Variants in CTNND2 observed in about 807,000 individuals in gnomAD.
The protein encoded by CTNND2 is catenin delta 2.
Under a neutral mutation model 144.4 loss-of-function variants are expected in CTNND2, and 22 were observed. The ratio of observed to expected loss-of-function variants is 0.15; its 90% CI spans 0.11 to 0.22. The LOEUF (loss-of-function observed/expected upper bound fraction) is 0.22. Among genes scored for constraint, CTNND2 ranks in the 10% least tolerant of loss-of-function variants. The probability of loss-of-function intolerance (pLI) is 1.00; values close to 1 mark genes in which losing one functional copy is unlikely to be tolerated. For synonymous variants in CTNND2, 751 were observed against 695.6 expected (o/e 1.08, Z -1.25); for missense variants, 1,353 against 1,618.8 (o/e 0.84, Z 2.82).
intron 2 of CTNND2, among the ~76,000 whole-genome samples, chr5:11,624,213 G>A (rs895690466): frequency 2.6e-5 from 4 of 151,982 alleles, no homozygotes; most frequent in African/African-American, 4.8e-5. Flanking sequence ...GGATCCTTGG[G>A]ACAAATCTAT....
intron 2 of CTNND2, among the ~76,000 whole-genome samples, chr5:11,572,694 C>T (rs181286215): frequency 3.9e-5 from 6 of 152,262 alleles, no homozygotes; most frequent in East Asian, 3.9e-4. Flanking sequence ...CCCAGTGGCC[C>T]GCTACAGTCC....
chr5:11,322,103 T>C (rs1752091772), intron 9 of CTNND2, among the ~76,000 whole-genome samples: 1 of 152,192 alleles, frequency 6.6e-6, no homozygotes, highest in Non-Finnish European at 1.5e-5. Flanking sequence ...TCTATACGCA[T>C]CATACTCTTT....
intron 8 of CTNND2, among the ~76,000 whole-genome samples, chr5:11,349,470 A>C (rs1755114962): frequency 6.6e-6 from 1 of 152,214 alleles, no homozygotes; most frequent in Non-Finnish European, 1.5e-5. Flanking sequence ...GCTGATATTA[A>C]TAAAAAAGGA....
At chr5:11,596,800 C>T (rs929108945) in intron 2 of CTNND2, among the ~76,000 whole-genome samples, 1 of 152,192 alleles carries the variant, frequency 6.6e-6, no homozygotes, top group Non-Finnish European at 1.5e-5. Context: ...ACAGGCTGAA[C>T]ATGACTGGCA....
chr5:11,694,712 T>C (rs1377261031), intron 2 of CTNND2, among the ~76,000 whole-genome samples: 1 of 152,210 alleles, frequency 6.6e-6, no homozygotes, highest in African/African-American at 2.4e-5. Flanking sequence ...CAACAGGGAA[T>C]CCATGGTACT....
chr5:11,597,809 G>C (rs2126309403), intron 2 of CTNND2, among the ~76,000 whole-genome samples: 1 of 152,232 alleles, frequency 6.6e-6, no homozygotes, highest in South Asian at 2.1e-4. Context: ...CTGGGCTCAA[G>C]TGATTCGTCT....
At chr5:11,106,606 GT>G (rs1224885631) in intron 14 of CTNND2, among the ~76,000 whole-genome samples, 4 of 152,164 alleles carry the variant, frequency 2.6e-5, no homozygotes, top group Non-Finnish European at 5.9e-5. Context: ...TACAAGTTGG[GT>G]TTTTGTTCAC....
At chr5:11,516,862 A>G (rs1772207816) in intron 3 of CTNND2, among the ~76,000 whole-genome samples, 1 of 152,176 alleles carries the variant, frequency 6.6e-6, no homozygotes, top group South Asian at 2.1e-4. Flanking sequence ...GCAAGGACAC[A>G]GAAAAGCTCA....
chr5:11,722,525 G>A (rs12332233), intron 2 of CTNND2, among the ~76,000 whole-genome samples: 32,779 of 152,172 alleles, frequency 0.22, 4,240 homozygotes, highest in African/African-American at 0.36. Flanking sequence ...CCTGAGACTA[G>A]GTAATTTATA....
At chr5:11,393,703 A>G (rs1007323486) in intron 6 of CTNND2, among the ~76,000 whole-genome samples, 7 of 152,156 alleles carry the variant, frequency 4.6e-5, no homozygotes, top group South Asian at 2.1e-4. Flanking sequence ...GTCAATTATG[A>G]GGGATATGAA....
intron 3 of CTNND2, among the ~76,000 whole-genome samples, chr5:11,502,841 G>C (rs541843017): frequency 6.6e-6 from 1 of 152,096 alleles, no homozygotes; most frequent in South Asian, 2.1e-4. Context: ...ATGAAAGAAG[G>C]GACCTAGAAA....
At chr5:11,412,203 A>T (rs1397798609) in intron 3 of CTNND2, 134 bp from the exon 4 acceptor site, 2 of 662,666 alleles carry the variant, frequency 3.0e-6, no homozygotes, top group African/African-American at 1.8e-5. Context: ...CTTACTATGA[A>T]AAGGGATTCC....
At chr5:11,502,693 C>T (rs1770656176) in intron 3 of CTNND2, among the ~76,000 whole-genome samples, 1 of 152,130 alleles carries the variant, frequency 6.6e-6, no homozygotes, top group Non-Finnish European at 1.5e-5. Context: ...CCCAGACTAT[C>T]ATCCTCATAG....
intron 1 of CTNND2, among the ~76,000 whole-genome samples, chr5:11,826,579 T>C (rs1793611606): frequency 6.6e-6 from 1 of 151,976 alleles, no homozygotes; most frequent in Non-Finnish European, 1.5e-5. Context: ...ATTTAAAAAG[T>C]GATATCCAAT....
At chr5:11,478,636 G>A (rs1767975350) in intron 3 of CTNND2, among the ~76,000 whole-genome samples, 1 of 152,144 alleles carries the variant, frequency 6.6e-6, no homozygotes, top group Non-Finnish European at 1.5e-5. Context: ...AAAGGTAGAT[G>A]CCATTGTCCC....
At chr5:11,171,938 C>T (rs935138496) in intron 11 of CTNND2, among the ~76,000 whole-genome samples, 1 of 152,216 alleles carries the variant, frequency 6.6e-6, no homozygotes, top group Admixed American at 6.5e-5. Flanking sequence ...AGAGTAGATG[C>T]CACCTAAAAT....
At chr5:11,493,315 G>C (rs1769620181) in intron 3 of CTNND2, among the ~76,000 whole-genome samples, 1 of 152,078 alleles carries the variant, frequency 6.6e-6, no homozygotes, top group South Asian at 2.1e-4. Flanking sequence ...TGAGGTACAG[G>C]GGAAGGAACT....
chr5:11,901,391 C>A (rs1013577739), intron 1 of CTNND2, among the ~76,000 whole-genome samples: 39 of 152,168 alleles, frequency 2.6e-4, no homozygotes, highest in African/African-American at 9.2e-4. Context: ...GCAATATTAT[C>A]CTTAGAAATT....
At chr5:11,312,446 G>GA (rs1240390923) in intron 9 of CTNND2, among the ~76,000 whole-genome samples, 1 of 152,090 alleles carries the variant, frequency 6.6e-6, no homozygotes, top group Non-Finnish European at 1.5e-5. Flanking sequence ...AGCGGCAAGA[G>GA]AAAATGAAGA....
Sources: allele counts gnomAD v4.1 joint callset (sites outside exome capture counted in the v4.1 genomes callset), GRCh38; gene constraint gnomAD v4.1.1; transcripts MANE v1.5; gene names NCBI Gene and HGNC (gene_info 2026-07-23, HGNC 2026-07-21).